USH2A: variants seen among roughly 807,000 people sequenced by gnomAD.
USH2A encodes Usher syndrome 2A (autosomal recessive, mild).
A neutral mutation model predicts 538.9 loss-of-function variants in USH2A; 443 were observed. The ratio of observed to expected loss-of-function variants is 0.82; its 90% confidence interval spans 0.76 to 0.89. USH2A has a LOEUF of 0.89. Ranked by LOEUF, USH2A falls within the 40% of genes least tolerant of loss-of-function variation. USH2A has a pLI of 0.00. For synonymous variants in USH2A, 2,413 were observed against 2,273.5 expected (o/e 1.06, Z -1.75); for missense variants, 6,633 against 6,324.8 (o/e 1.05, Z -1.65).
Position 215,844,283 on chromosome 1 carries a change from A to T in USH2A, c.9258+11T>A. 1 of 1,613,098 alleles carries T rather than the reference A, an allele frequency of 6.2e-7. No homozygotes were observed. The highest frequency in any genetic ancestry group is 8.5e-7 in the Non-Finnish European group (1 of 1,179,502). ...TCCATAAGCCTAACCATCAAAAAACAATGTTCTAACCTGAATGTCATAGAT... is the reference window on the plus strand; with the variant it reads ...TCCATAAGCCTAACCATCAAAAAACTATGTTCTAACCTGAATGTCATAGAT... On this transcript the variant is annotated intron_variant, in intron 46 of 71. Coordinates refer to ENST00000307340, the MANE Select transcript of USH2A (RefSeq NM_206933.4).
At chr1:215,692,947 G>A (rs1266803269) in intron 61 of USH2A, among the ~76,000 whole-genome samples, 6 of 150,654 alleles carry the variant, frequency 4.0e-5, no homozygotes, top group South Asian at 2.1e-4. Flanking sequence ...TCTGTTGCCC[G>A]GGTTGGAGTA....
intron 64 of USH2A, among the ~76,000 whole-genome samples, chr1:215,667,644 G>T (rs758919236): frequency 2.0e-5 from 3 of 151,814 alleles, no homozygotes; most frequent in Non-Finnish European, 4.4e-5. Context: ...GTTACAGTGA[G>T]CCAAGATCGT....
At chr1:215,662,198 G>A (rs144305486) in intron 64 of USH2A, among the ~76,000 whole-genome samples, 2 of 152,254 alleles carry the variant, frequency 1.3e-5, no homozygotes, top group South Asian at 2.1e-4. Context: ...AGGTGACTTT[G>A]GGAGCCTTTG....
intron 27 of USH2A, among the ~76,000 whole-genome samples, chr1:216,075,087 GA>G (rs1319296946): frequency 6.6e-6 from 1 of 152,126 alleles, no homozygotes; most frequent in African/African-American, 2.4e-5. Flanking sequence ...TTCACAAGAT[GA>G]AATTTTCAAT....
chr1:215,952,513 G>C (rs1666947388), intron 37 of USH2A, among the ~76,000 whole-genome samples: 1 of 152,180 alleles, frequency 6.6e-6, no homozygotes, highest in Non-Finnish European at 1.5e-5. Flanking sequence ...TGCAGTGGCT[G>C]GTACTGGTTG....
chr1:216,362,315 A>C (rs894580769), intron 4 of USH2A, among the ~76,000 whole-genome samples: 1 of 152,136 alleles, frequency 6.6e-6, no homozygotes, highest in African/African-American at 2.4e-5. Flanking sequence ...TGAAATGCAA[A>C]TGATCAAGAC....
intron 19 of USH2A, among the ~76,000 whole-genome samples, chr1:216,194,900 C>A (rs1288531803): frequency 2.6e-5 from 4 of 152,056 alleles, no homozygotes; most frequent in Non-Finnish European, 5.9e-5. Flanking sequence ...AGATGAGCCA[C>A]TTGGGACATA....
At chr1:216,012,906 C>G (rs1668610690) in intron 32 of USH2A, among the ~76,000 whole-genome samples, 1 of 152,112 alleles carries the variant, frequency 6.6e-6, no homozygotes. Flanking sequence ...TCCCTACTAT[C>G]TTCTGTCTAG....
intron 38 of USH2A, among the ~76,000 whole-genome samples, chr1:215,902,977 T>C (rs747313825): frequency 1.9e-4 from 29 of 151,982 alleles, no homozygotes; most frequent in Non-Finnish European, 2.4e-4. Context: ...TGAGTGTTGA[T>C]AGAATGAGTA....
At chr1:216,417,035 G>A (rs896175797) in intron 3 of USH2A, among the ~76,000 whole-genome samples, 25 of 152,086 alleles carry the variant, frequency 1.6e-4, no homozygotes, top group African/African-American at 6.0e-4. Context: ...GTTAACTACT[G>A]AACACATGGA....
chr1:216,069,086 T>C (rs573569984), intron 30 of USH2A, among the ~76,000 whole-genome samples: 51 of 152,234 alleles, frequency 3.4e-4, no homozygotes, highest in Admixed American at 5.2e-4. Context: ...CATTACTGAG[T>C]GCTCATCTGA....
chr1:216,007,169 C>T lies in USH2A; in HGVS notation c.6326-6607G>A, dbSNP rs372849665. Among the ~76,000 whole-genome samples, 15 of 152,228 alleles carry T rather than the reference C, an allele frequency of 9.9e-5. No individual in the cohort carries two copies. In the East Asian group the frequency reaches 1.4e-3, roughly 14 times the overall value. On this transcript the variant is annotated intron_variant, in intron 32 of 71. Coordinates refer to ENST00000307340, the MANE Select transcript of USH2A (RefSeq NM_206933.4). ...GCCTTCTGCCATGATTGTGAGGCCT[C>T]CCCAGCCACATGCAACTGTAAGTCC...
chr1:216,279,792 C>T (rs2036737573), intron 11 of USH2A, among the ~76,000 whole-genome samples: 1 of 152,030 alleles, frequency 6.6e-6, no homozygotes, highest in Non-Finnish European at 1.5e-5. Context: ...CAAGAAAGCA[C>T]TCAGACAATA....
At chr1:215,855,733 G>A (rs540731125) in intron 44 of USH2A, among the ~76,000 whole-genome samples, 1 of 152,050 alleles carries the variant, frequency 6.6e-6, no homozygotes, top group South Asian at 2.1e-4. Context: ...GCCAAAGCAA[G>A]ACTATGCTAA....
At chr1:215,714,334 A>G (rs1023153561) in intron 61 of USH2A, among the ~76,000 whole-genome samples, 4 of 152,312 alleles carry the variant, frequency 2.6e-5, no homozygotes, top group Non-Finnish European at 4.4e-5. Flanking sequence ...TAGGCCAGGT[A>G]AGGCTTTAGT....
At chr1:215,963,715 T>C (rs753710251) in intron 37 of USH2A, among the ~76,000 whole-genome samples, 2 of 152,170 alleles carry the variant, frequency 1.3e-5, no homozygotes, top group Non-Finnish European at 2.9e-5. Flanking sequence ...TATTTAATAA[T>C]GCTTGCCTTG....
chr1:216,325,616 G>T lies in USH2A; in HGVS notation c.849-17C>A. ...AGAATCTCTCTGTGGGAGTCAAGAG[G>T]GAGACTGTAAGGACAAAGAGCTTAA... On this transcript the variant is annotated splice_polypyrimidine_tract_variant and intron_variant, in intron 5 of 71. Transcript: ENST00000307340. 1 of 1,611,016 alleles carries T rather than the reference G, an allele frequency of 6.2e-7. No homozygotes were observed.
At chr1:215,736,758 A>G (rs1335001170) in intron 60 of USH2A, among the ~76,000 whole-genome samples, 1 of 152,044 alleles carries the variant, frequency 6.6e-6, no homozygotes, top group African/African-American at 2.4e-5. Flanking sequence ...AATCTTACTT[A>G]TAATCATCAA....
intron 47 of USH2A, among the ~76,000 whole-genome samples, chr1:215,836,531 TA>T (rs1663524680): frequency 3.6e-5 from 1 of 27,916 alleles, no homozygotes. Context: ...ATATATTATA[TA>T]TATATATATA....
Sources: gnomAD v4.1 joint callset for allele counts (sites outside exome capture counted in the v4.1 genomes callset) on GRCh38, gnomAD v4.1.1 for gene constraint, MANE v1.5 for transcripts, NCBI Gene and HGNC (gene_info 2026-07-23, HGNC 2026-07-21) for gene names.